The following BRWD1 variants were observed in gnomAD, a reference collection of about 807,000 sequenced individuals.
BRWD1 encodes the protein bromodomain and WD repeat-containing protein 1.
A neutral mutation model predicts 251.2 loss-of-function variants in BRWD1; 82 were observed. The observed-to-expected ratio is 0.33, with a 90% confidence interval of 0.27 to 0.39. The LOEUF is 0.39. Among genes scored for constraint, BRWD1 ranks in the 10% least tolerant of loss-of-function variants. The probability of loss-of-function intolerance (pLI) is 1.00; values close to 1 mark genes in which losing one functional copy is unlikely to be tolerated. For missense variants in BRWD1, 2,233 were observed against 2,711.6 expected, an observed-to-expected ratio of 0.82 and a Z score of 3.92; for synonymous variants, 918 against 902.8, an observed-to-expected ratio of 1.02 and a Z score of -0.30.
intron 23 of BRWD1, among the ~76,000 whole-genome samples, chr21:39,234,624 A>C (rs528050180): frequency 1.3e-5 from 2 of 152,312 alleles, no homozygotes; most frequent in South Asian, 4.1e-4. Context: ...CCACTCAACC[A>C]ACCCAGAGTT....
At chr21:39,283,081 T>TA (rs2035523727) in intron 8 of BRWD1, among the ~76,000 whole-genome samples, 1 of 152,194 alleles carries the variant, frequency 6.6e-6, no homozygotes, top group African/African-American at 2.4e-5. Flanking sequence ...GTCCCACTTA[T>TA]ATCTTCATCT....
intron 31 of BRWD1, among the ~76,000 whole-genome samples, chr21:39,216,290 A>G (rs1486564148): frequency 6.6e-6 from 1 of 152,232 alleles, no homozygotes; most frequent in Non-Finnish European, 1.5e-5. Flanking sequence ...CCAAAGGCCA[A>G]AAAGACCAAG....
chr21:39,255,926 A>T, intron 18 of BRWD1, 98 bp from the exon 19 acceptor site: 1 of 1,060,432 alleles, frequency 9.4e-7, no homozygotes, highest in Non-Finnish European at 1.4e-6. Flanking sequence ...GCGCACCAAA[A>T]ATAAAGAACT....
chr21:39,313,589 GCGCCGCCGCCGCCGC>G lies in BRWD1; in HGVS notation c.-113_-99del, dbSNP rs75090981. Reference sequence around the variant, plus strand: ...GCTGGCGTCCCCTCTTCTCAGGCGCGCGCCGCCGCCGCCGCCGCCGCCGCCATACCGTGCGCGCCG... The same window carrying G: ...GCTGGCGTCCCCTCTTCTCAGGCGCGCGCCGCCGCCATACCGTGCGCGCCG... On this transcript the variant is annotated 5_prime_UTR_variant, in exon 1 of 41. Coordinates refer to ENST00000342449, the MANE Select transcript of BRWD1 (RefSeq NM_033656.4). 7.4e-5 allele frequency: 48 copies of G among 650,322 alleles called. No individual in the cohort carries two copies. Among genetic ancestry groups the G allele is most frequent in the East Asian group, 1.9e-4 (5 of 25,940 alleles). 40.3% of individuals were successfully genotyped at this position (650,322 alleles called of 1,614,324 possible).
chr21:39,277,120 A>C (rs1217149167), intron 11 of BRWD1, 131 bp downstream of exon 11: 1 of 520,954 alleles, frequency 1.9e-6, no homozygotes, highest in Non-Finnish European at 3.2e-6. Context: ...TCAAAAAGTT[A>C]TAAATGACAG....
chr21:39,293,475 A>G (rs577941367), intron 8 of BRWD1, among the ~76,000 whole-genome samples: 3 of 152,022 alleles, frequency 2.0e-5, no homozygotes, highest in South Asian at 4.2e-4. Flanking sequence ...CCTGGGCAAC[A>G]GAACAAGACT....
rs996498422 is a variant in BRWD1, at chr21:39,190,295, T to C, written c.*5964A>G. On this transcript the variant is annotated 3_prime_UTR_variant, in exon 41 of 41. Transcript: ENST00000342449. Reference sequence around the variant, plus strand: ...CACAATATTTCATCATACAAAACTGTTTTCCTAAATTCAAAGTAAACTGCA... The same window carrying C: ...CACAATATTTCATCATACAAAACTGCTTTCCTAAATTCAAAGTAAACTGCA... 2 of 984,830 alleles carry C rather than the reference T, an allele frequency of 2.0e-6. No homozygotes were observed. The highest frequency in any genetic ancestry group is 2.4e-6 in the Non-Finnish European group (2 of 829,544). 61.0% of individuals were successfully genotyped at this position (984,830 alleles called of 1,614,324 possible).
intron 13 of BRWD1, among the ~76,000 whole-genome samples, chr21:39,271,955 C>T (rs913716647): frequency 7.2e-6 from 1 of 138,970 alleles, no homozygotes; most frequent in Non-Finnish European, 1.5e-5. Flanking sequence ...AGGAGAATCA[C>T]TTGAACCCAG....
At chr21:39,300,347 G>A (rs981239841) in intron 4 of BRWD1, among the ~76,000 whole-genome samples, 10 of 152,296 alleles carry the variant, frequency 6.6e-5, no homozygotes, top group South Asian at 2.1e-4. Context: ...AAGGCAGAGC[G>A]AACTCTGTAG....
chr21:39,221,456 G>A (rs559596706), intron 29 of BRWD1, among the ~76,000 whole-genome samples: 13 of 152,166 alleles, frequency 8.5e-5, no homozygotes, highest in Admixed American at 1.3e-4. Context: ...CTAACATAGT[G>A]TAGACACAGC....
At chr21:39,250,716 T>C in intron 20 of BRWD1, 80 bp downstream of exon 20, 1 of 893,182 alleles carries the variant, frequency 1.1e-6, no homozygotes, top group Non-Finnish European at 1.7e-6. Context: ...TGAAAGTTAC[T>C]GATAGTTTTA....
chr21:39,256,035 C>CGCA (rs1282414989), intron 18 of BRWD1, among the ~76,000 whole-genome samples: 6 of 152,140 alleles, frequency 3.9e-5, no homozygotes, highest in Non-Finnish European at 5.9e-5. Context: ...CCGGGCTAGT[C>CGCA]GCAAATGCCT....
At chr21:39,274,583 C>T (rs775375694) in intron 12 of BRWD1, 111 bp from the exon 13 acceptor site, 62 of 856,746 alleles carry the variant, frequency 7.2e-5, no homozygotes, top group Non-Finnish European at 1.0e-4. Context: ...AACAACAGGA[C>T]AATCCACAGG....
intron 17 of BRWD1, among the ~76,000 whole-genome samples, chr21:39,260,184 A>G (rs2034695433): frequency 6.6e-6 from 1 of 152,382 alleles, no homozygotes; most frequent in South Asian, 2.1e-4. Context: ...AGAAGATTTT[A>G]ATTAGAATTG....
rs754945783 is a variant in BRWD1 at position 39,225,219 on chromosome 21, C to T, written c.3209-22G>A. On this transcript the variant is annotated intron_variant, in intron 27 of 40. Transcript: ENST00000342449. Reference sequence around the variant, plus strand: ...TCACCTAGGAGAGAAATGATCAAGTCTGAGGCATTTCTCTGCTAACATTCA... The same window carrying T: ...TCACCTAGGAGAGAAATGATCAAGTTTGAGGCATTTCTCTGCTAACATTCA... The T allele has an allele frequency of 3.3e-6, 5 of 1,503,296 alleles. No homozygotes were observed. In the South Asian group the frequency reaches 4.5e-5, roughly 14 times the overall value. The allele number at this position is 1,503,296 out of a possible 1,614,324, so 93.1% of individuals were successfully genotyped here. A position where few individuals can be genotyped will look rare whatever the true frequency, so the allele number is the denominator to read the frequency against.
chr21:39,268,157 C>A (rs1021483844), intron 15 of BRWD1, among the ~76,000 whole-genome samples: 4 of 152,026 alleles, frequency 2.6e-5, no homozygotes, highest in Non-Finnish European at 5.9e-5. Flanking sequence ...TCAGATTAGT[C>A]TCAAAAGCGC....
Position 39,202,563 on chromosome 21 carries a change from C to A in BRWD1, c.4365-18G>T. 6.4e-7 allele frequency: 1 copy of A among 1,560,018 alleles called. No individual in the cohort carries two copies. Among genetic ancestry groups the A allele is most frequent in the Non-Finnish European group, 8.8e-7 (1 of 1,134,664 alleles). On this transcript the variant is annotated intron_variant, in intron 37 of 40. Coordinates refer to ENST00000342449, the MANE Select transcript of BRWD1 (RefSeq NM_033656.4). ...TGAGGTTTCTGGCCAAACATATGAA[C>A]AAAGGAAACAGTATTTAACAAAATA...
At chr21:39,279,638 C>CAAAAAAAAAAAAAAAAAAAAAAAAAAAA (rs77282416) in intron 9 of BRWD1, among the ~76,000 whole-genome samples, 8 of 66,824 alleles carry the variant, frequency 1.2e-4, no homozygotes, top group South Asian at 5.6e-4. Flanking sequence ...GACTCCATCT[C>CAAAAAAAAAAAAAAAAAAAAAAAAAAAA]AAAAAAAAAA....
chr21:39,270,463 T>C (rs1289237108), intron 13 of BRWD1, 30 bp from the exon 14 acceptor site: 3 of 1,546,984 alleles, frequency 1.9e-6, no homozygotes, highest in Non-Finnish European at 2.6e-6. Flanking sequence ...CATGTAAACT[T>C]ATTTAGATGG....
Sources: allele counts gnomAD v4.1 joint callset (sites outside exome capture counted in the v4.1 genomes callset), GRCh38; gene constraint gnomAD v4.1.1; transcripts MANE v1.5; gene names NCBI Gene and HGNC (gene_info 2026-07-23, HGNC 2026-07-21).